SLCO2B1: variants seen among roughly 807,000 people sequenced by gnomAD.
SLCO2B1 encodes the protein OATP-RP2.
SLCO2B1 carries 41 observed loss-of-function variants against 67.3 expected under a neutral mutation model. The observed-to-expected ratio is 0.61, with a 90% CI of 0.47 to 0.79. The LOEUF (loss-of-function observed/expected upper bound fraction) is 0.79, where lower values mean the gene tolerates loss of function less well. Ranked by LOEUF, SLCO2B1 falls within the 30% of genes least tolerant of loss-of-function variation. The pLI is 0.00. For missense variants in SLCO2B1, 837 were observed against 920.1 expected (o/e 0.91, Z 1.17); for synonymous variants, 379 against 381.4 (o/e 0.99, Z 0.07).
In SLCO2B1 at chr11:75,188,249, T is replaced by C. The variant is rs1396523977; in HGVS notation, c.1075+11T>C. On this transcript the variant is annotated intron_variant, in intron 8 of 13. Transcript: ENST00000289575. ...TCCAGTTCATTAAAGGTAAGTCAGC[T>C]CAGACCAGGTTATGGGGAGCCAGGG... 1.3e-6 allele frequency: 2 copies of C among 1,594,200 alleles called. No homozygotes were observed. The highest frequency in any genetic ancestry group is 3.3e-5 in the Admixed American group (2 of 59,972).
At position 75,172,923 on chromosome 11, in the gene SLCO2B1, C is replaced by T. The variant is rs996743116; in HGVS notation, c.972+354C>T. Reference sequence around the variant, plus strand: ...CAGCCTGGGCAACAAAGCAAGACTCCGTCTCAAAAAAAAAAAAAATTACAC... The same window carrying T: ...CAGCCTGGGCAACAAAGCAAGACTCTGTCTCAAAAAAAAAAAAAATTACAC... On this transcript the variant is annotated intron_variant, in intron 7 of 13. Transcript: ENST00000289575. Among the ~76,000 whole-genome samples the T allele has an allele frequency of 3.9e-4, 57 of 144,652 alleles. 1 individual carries two copies. The highest frequency in any genetic ancestry group is 1.4e-3 in the African/African-American group (53 of 38,288). The allele number at this position is 144,652 out of a possible 152,430, so 94.9% of individuals were successfully genotyped here. A position where few individuals can be genotyped will look rare whatever the true frequency, so the allele number is the denominator to read the frequency against.
At position 75,205,752 on chromosome 11, in the gene SLCO2B1, T is replaced by A. The variant is rs1945265461; in HGVS notation, c.*1172T>A. 1 of 152,384 alleles carries A rather than the reference T, an allele frequency of 6.6e-6. No homozygotes were observed. The highest frequency in any genetic ancestry group is 2.1e-4 in the South Asian group (1 of 4,826). The allele number at this position is 152,384 out of a possible 1,614,324, so 9.4% of individuals were successfully genotyped here. On this transcript the variant is annotated 3_prime_UTR_variant, in exon 14 of 14. Coordinates refer to ENST00000289575, the MANE Select transcript of SLCO2B1 (RefSeq NM_007256.5). ...TCTTATGATCCAATCCTTTTCTACA[T>A]CAGCCCTTGTTTTGTTTTATGGCTA...
rs202234541 is a variant in SLCO2B1, at chr11:75,202,880, G to A, written c.1764-21G>A. ...GCTGGAACCCCTCCAACCTCATGTT[G>A]CCCATGTCTCTGCTTGTTAGAGGAG... On this transcript the variant is annotated intron_variant, in intron 11 of 13. Coordinates refer to ENST00000289575, the MANE Select transcript of SLCO2B1 (RefSeq NM_007256.5). 4 of 1,612,364 alleles carry A rather than the reference G, an allele frequency of 2.5e-6. No homozygotes were observed. In the East Asian group the frequency reaches 8.9e-5, roughly 36 times the overall value.
intron 7 of SLCO2B1, among the ~76,000 whole-genome samples, chr11:75,183,535 T>A (rs1432401667): frequency 2.6e-5 from 4 of 151,814 alleles, no homozygotes; most frequent in African/African-American, 9.7e-5. Flanking sequence ...GTATGAGTTG[T>A]TTTTTTTGAG....
At chr11:75,188,550 AC>A (rs1292999403) in intron 8 of SLCO2B1, among the ~76,000 whole-genome samples, 1 of 152,110 alleles carries the variant, frequency 6.6e-6, no homozygotes, top group East Asian at 1.9e-4. Flanking sequence ...ACATGGTTAA[AC>A]CCTGTCTCTA....
At chr11:75,159,553 G>C (rs1415170080) in intron 1 of SLCO2B1, among the ~76,000 whole-genome samples, 1 of 152,220 alleles carries the variant, frequency 6.6e-6, no homozygotes, top group East Asian at 1.9e-4. Flanking sequence ...CCTTCCAAGG[G>C]GAGTTCCGCC....
intron 7 of SLCO2B1, among the ~76,000 whole-genome samples, chr11:75,179,469 T>A (rs1019469489): frequency 2.6e-5 from 4 of 152,154 alleles, no homozygotes; most frequent in Admixed American, 2.6e-4. Flanking sequence ...TGACCTCAAG[T>A]GATCCACCCC....
At chr11:75,169,134 T>C in intron 4 of SLCO2B1, 39 bp from the exon 5 acceptor site, 1 of 1,530,392 alleles carries the variant, frequency 6.5e-7, no homozygotes, top group South Asian at 1.2e-5. Context: ...ATTTAAGTCT[T>C]AGCTATTGTT....
chr11:75,151,993 G>A (rs530364052), intron 1 of SLCO2B1, among the ~76,000 whole-genome samples: 1 of 152,334 alleles, frequency 6.6e-6, no homozygotes, highest in African/African-American at 2.4e-5. Flanking sequence ...AGCATCAGAA[G>A]ATCCACCCAG....
chr11:75,168,034 C>G (rs1949913247), intron 4 of SLCO2B1, among the ~76,000 whole-genome samples: 1 of 151,884 alleles, frequency 6.6e-6, no homozygotes, highest in Admixed American at 6.6e-5. Context: ...GCTGGGATTA[C>G]AGGCATGTGC....
At chr11:75,183,551 G>C (rs1159514432) in intron 7 of SLCO2B1, among the ~76,000 whole-genome samples, 1 of 152,156 alleles carries the variant, frequency 6.6e-6, no homozygotes, top group Non-Finnish European at 1.5e-5. Flanking sequence ...TTGAGTCAAG[G>C]TGTTGCTCTG....
In SLCO2B1 at chr11:75,179,690, T is replaced by A. The variant is rs558077418; in HGVS notation, c.972+7121T>A. On this transcript the variant is annotated intron_variant, in intron 7 of 13. Coordinates refer to ENST00000289575, the MANE Select transcript of SLCO2B1 (RefSeq NM_007256.5). ...ATCAATAGAATGCATCATTTCTTTGTGTTTCAAATGTTCCAATTATACTCT... is the reference window on the plus strand; with the variant it reads ...ATCAATAGAATGCATCATTTCTTTGAGTTTCAAATGTTCCAATTATACTCT... Among the ~76,000 whole-genome samples the A allele has an allele frequency of 2.6e-5, 4 of 152,378 alleles. No individual in the cohort carries two copies. In the South Asian group the frequency reaches 8.3e-4, roughly 32 times the overall value.
In SLCO2B1 at chr11:75,182,990, T is replaced by C. The variant is rs532859105; in HGVS notation, c.973-5146T>C. 1.5e-4 allele frequency among the ~76,000 whole-genome samples: 23 copies of C among 152,282 alleles called. No individual in the cohort carries two copies. In the South Asian group the frequency reaches 4.8e-3, roughly 32 times the overall value. On this transcript the variant is annotated intron_variant, in intron 7 of 13. Coordinates refer to ENST00000289575, the MANE Select transcript of SLCO2B1 (RefSeq NM_007256.5). ...GCTGTCCAGGACCCTCCCACCACTGTGGCATCCCTCCCAGATCACTCTCCC... is the reference window on the plus strand; with the variant it reads ...GCTGTCCAGGACCCTCCCACCACTGCGGCATCCCTCCCAGATCACTCTCCC...
intron 8 of SLCO2B1, among the ~76,000 whole-genome samples, chr11:75,190,810 AAGAC>A (rs1253082013): frequency 6.6e-6 from 1 of 151,920 alleles, no homozygotes; most frequent in Admixed American, 6.6e-5. Context: ...GCTGATGAGG[AAGAC>A]AGAGTCACTG....
Position 75,162,799 on chromosome 11 carries a change from C to A in SLCO2B1, c.147+14C>A. The stretch of plus-strand genomic sequence containing the variant: ...CATAACATCAAGGTACCTCTCAGGG[C>A]CTGGCAGGGGCCTCCGAGTCTAGAA... On this transcript the variant is annotated intron_variant, in intron 2 of 13. Transcript: ENST00000289575. 6.2e-7 allele frequency: 1 copy of A among 1,610,578 alleles called. No homozygotes were observed. The highest frequency in any genetic ancestry group is 8.5e-7 in the Non-Finnish European group (1 of 1,178,690).
intron 7 of SLCO2B1, among the ~76,000 whole-genome samples, chr11:75,173,859 C>T (rs1368095234): frequency 6.6e-6 from 1 of 152,156 alleles, no homozygotes; most frequent in East Asian, 1.9e-4. Context: ...CCCTATTGCC[C>T]AGGCTAGATC....
intron 6 of SLCO2B1, 30 bp downstream of exon 6, chr11:75,169,794 C>G: frequency 1.9e-6 from 3 of 1,551,844 alleles, no homozygotes; most frequent in Non-Finnish European, 2.7e-6. Flanking sequence ...GTTTGCTAGA[C>G]CCTAGCTAAC....
rs984316887 is a variant in SLCO2B1, at chr11:75,193,669, C to G, written c.1433+94C>G. 1 of 1,167,656 alleles carries G rather than the reference C, an allele frequency of 8.6e-7. No homozygotes were observed. Among genetic ancestry groups the G allele is most frequent in the Non-Finnish European group, 1.2e-6 (1 of 840,464 alleles). 72.3% of individuals were successfully genotyped at this position (1,167,656 alleles called of 1,614,324 possible). ...CAGAGGCCAGGATGGCAGGGCAACC[C>G]CTGCCTCAAATCTTGCCTCCCCAGT... On this transcript the variant is annotated intron_variant, in intron 9 of 13. Coordinates refer to ENST00000289575, the MANE Select transcript of SLCO2B1 (RefSeq NM_007256.5). This position sits in a 1 kb window ranked among gnomAD's most constrained non-coding sequence, Gnocchi z 4.2.
In SLCO2B1 at chr11:75,169,712, G is replaced by A. The variant is rs1305665075; in HGVS notation, c.729G>A (p.Gly243=). Reference sequence around the variant, plus strand: ...TGATGGGGCCAGGCCTGGCCTTTGGGCTGGGCAGCCTCATGCTGCGCCTTT... The same window carrying A: ...TGATGGGGCCAGGCCTGGCCTTTGGACTGGGCAGCCTCATGCTGCGCCTTT... ...VTMMGPGLAF[G]LGSLMLRLYV... is the part of the protein sequence containing the mutation. The change falls in exon 6 of 14, where the codon GGG becomes GGA. Residue 243 remains glycine, a synonymous_variant. Transcript: ENST00000289575. 6.2e-7 allele frequency: 1 copy of A among 1,614,186 alleles called. No individual in the cohort carries two copies. The highest frequency in any genetic ancestry group is 8.5e-7 in the Non-Finnish European group (1 of 1,180,022).
Sources: gnomAD v4.1 joint callset for allele counts (sites outside exome capture counted in the v4.1 genomes callset) on GRCh38, gnomAD v4.1.1 for gene constraint, Gnocchi (gnomAD v3.1) non-coding constraint, MANE v1.5 for transcripts, NCBI Gene and HGNC (gene_info 2026-07-23, HGNC 2026-07-21) for gene names.